Variants in CSMD2 observed in about 807,000 individuals in gnomAD.
The protein encoded by CSMD2 is CUB and Sushi multiple domains 2.
In CSMD2, 130 loss-of-function variants were observed where a neutral mutation model predicts 398.5. The observed-to-expected ratio is 0.33, with a 90% CI of 0.28 to 0.38. CSMD2 has a LOEUF of 0.38. Among genes scored for constraint, CSMD2 ranks in the 10% least tolerant of loss-of-function variants. The pLI is 1.00. For synonymous variants in CSMD2, 1,828 were observed against 1,908.5 expected (o/e 0.96, Z 1.10); for missense variants, 3,829 against 4,764.9 (o/e 0.80, Z 5.78).
chr1:33,914,567 T>C (rs1203992039), intron 5 of CSMD2, among the ~76,000 whole-genome samples: 1 of 152,056 alleles, frequency 6.6e-6, no homozygotes, highest in Non-Finnish European at 1.5e-5. Flanking sequence ...GGGGAGTAAG[T>C]CTAAAATACT....
chr1:33,962,009 A>G (rs185059942), intron 3 of CSMD2, among the ~76,000 whole-genome samples: 17 of 152,336 alleles, frequency 1.1e-4, no homozygotes, highest in African/African-American at 3.6e-4. Context: ...AGATCATGTG[A>G]AAAACACATG....
intron 1 of CSMD2, among the ~76,000 whole-genome samples, chr1:34,119,659 T>C (rs1227773443): frequency 2.0e-5 from 3 of 152,174 alleles, no homozygotes; most frequent in Admixed American, 6.5e-5. Flanking sequence ...CTGACAAACA[T>C]ATGAAATTAT....
chr1:33,546,912 C>A (rs1467308552), intron 56 of CSMD2, among the ~76,000 whole-genome samples: 2 of 152,146 alleles, frequency 1.3e-5, no homozygotes, highest in African/African-American at 4.8e-5. Flanking sequence ...CTTTAATTGA[C>A]AAATAATCAT....
intron 10 of CSMD2, among the ~76,000 whole-genome samples, chr1:33,807,438 T>C (rs889783076): frequency 6.6e-6 from 1 of 152,152 alleles, no homozygotes; most frequent in Non-Finnish European, 1.5e-5. Flanking sequence ...CAAGAACTAA[T>C]AGAGTTTATC....
chr1:33,740,176 T>C (rs945563143), intron 14 of CSMD2, among the ~76,000 whole-genome samples: 1 of 152,208 alleles, frequency 6.6e-6, no homozygotes, highest in Non-Finnish European at 1.5e-5. Context: ...GTTCCCTTCC[T>C]TCTTCCCTCC....
chr1:33,803,327 A>G (rs902252590), intron 10 of CSMD2, among the ~76,000 whole-genome samples: 4 of 152,136 alleles, frequency 2.6e-5, no homozygotes, highest in African/African-American at 7.2e-5. Context: ...CTGAGATAAC[A>G]CCCAAACCTC....
At chr1:33,904,795 C>T (rs1467891160) in intron 5 of CSMD2, among the ~76,000 whole-genome samples, 1 of 152,064 alleles carries the variant, frequency 6.6e-6, no homozygotes, top group African/African-American at 2.4e-5. Flanking sequence ...TACAGTCGCC[C>T]ACCACCATAC....
Position 33,782,018 on chromosome 1 carries a change from C to T in CSMD2, c.1663+6582G>A, listed in dbSNP as rs1355777926. ...AAGGATGATACTGGAGTGCCACCTG[C>T]CTGCCCCTAAGGTTGTATCTCTCTG... On this transcript the variant is annotated intron_variant, in intron 12 of 70. Coordinates refer to ENST00000373381, the MANE Select transcript of CSMD2 (RefSeq NM_001281956.2). Among the ~76,000 whole-genome samples, 4 of 152,050 alleles carry T rather than the reference C, an allele frequency of 2.6e-5. No individual in the cohort carries two copies. In the East Asian group the frequency reaches 7.7e-4, roughly 29 times the overall value.
At chr1:33,584,167 A>G (rs1638912737) in intron 46 of CSMD2, among the ~76,000 whole-genome samples, 1 of 152,232 alleles carries the variant, frequency 6.6e-6, no homozygotes. Flanking sequence ...GAGATAATCT[A>G]TAAAATGGGT....
chr1:33,687,652 T>C (rs1645102155), intron 25 of CSMD2, among the ~76,000 whole-genome samples: 1 of 152,314 alleles, frequency 6.6e-6, no homozygotes, highest in South Asian at 2.1e-4. Context: ...CTTGTACTCA[T>C]TTCATATTCT....
chr1:33,592,386 G>A, intron 44 of CSMD2: 1 of 715,576 alleles, frequency 1.4e-6, no homozygotes. Context: ...GATTGCCCCT[G>A]CTGCAGTCAG....
At chr1:33,563,752 G>A (rs1658795167) in intron 53 of CSMD2, among the ~76,000 whole-genome samples, 1 of 152,062 alleles carries the variant, frequency 6.6e-6, no homozygotes, top group Admixed American at 6.5e-5. Context: ...TAGGGGCGAT[G>A]GAATATAAGT....
intron 1 of CSMD2, among the ~76,000 whole-genome samples, chr1:34,150,241 C>T (rs1640181204): frequency 6.6e-6 from 1 of 152,046 alleles, no homozygotes. Flanking sequence ...GCCGCCACCA[C>T]ACCCAGCTAA....
At chr1:33,850,548 C>T (rs568578280) in intron 5 of CSMD2, among the ~76,000 whole-genome samples, 35 of 152,242 alleles carry the variant, frequency 2.3e-4, no homozygotes, top group Middle Eastern at 3.4e-3. Flanking sequence ...TCTTCTCCCC[C>T]CTCCTGACTT....
intron 5 of CSMD2, among the ~76,000 whole-genome samples, chr1:33,899,619 G>A (rs1409480269): frequency 1.3e-5 from 2 of 152,180 alleles, no homozygotes; most frequent in South Asian, 4.1e-4. Flanking sequence ...TTAGGAGGCA[G>A]ATCCCACTGG....
chr1:33,974,342 G>A (rs1645881478), intron 3 of CSMD2, among the ~76,000 whole-genome samples: 1 of 152,212 alleles, frequency 6.6e-6, no homozygotes, highest in Admixed American at 6.5e-5. Flanking sequence ...ATACAGAGGA[G>A]ATTCCTCCCA....
intron 3 of CSMD2, among the ~76,000 whole-genome samples, chr1:33,953,879 A>G (rs1042905871): frequency 3.3e-5 from 5 of 152,240 alleles, no homozygotes; most frequent in Non-Finnish European, 5.9e-5. Flanking sequence ...TTTGCAGGGC[A>G]CTTCCCATGG....
intron 3 of CSMD2, among the ~76,000 whole-genome samples, chr1:33,951,546 A>G (rs139061284): frequency 2.0e-5 from 3 of 152,198 alleles, no homozygotes; most frequent in South Asian, 2.1e-4. Flanking sequence ...AGAAAAATCA[A>G]TCTCTTCCCT....
chr1:33,976,567 C>CT (rs1478779112), intron 3 of CSMD2, among the ~76,000 whole-genome samples: 1 of 152,170 alleles, frequency 6.6e-6, no homozygotes, highest in Non-Finnish European at 1.5e-5. Context: ...TCAGGAATCC[C>CT]TGACCCAAGG....
Sources: allele counts gnomAD v4.1 joint callset (sites outside exome capture counted in the v4.1 genomes callset), GRCh38; gene constraint gnomAD v4.1.1; transcripts MANE v1.5; gene names NCBI Gene and HGNC (gene_info 2026-07-23, HGNC 2026-07-21).